Variants in MYRFL observed in about 807,000 individuals in gnomAD.
MYRFL encodes the protein myelin regulatory factor-like protein.
A neutral mutation model predicts 109.4 loss-of-function variants in MYRFL; 88 were observed. The observed-to-expected ratio is 0.80, with a 90% CI of 0.68 to 0.96. The LOEUF (loss-of-function observed/expected upper bound fraction) is 0.96. Among genes scored for constraint, MYRFL ranks in the 40% least tolerant of loss-of-function variants. MYRFL has a pLI of 0.00. For synonymous variants in MYRFL, 324 were observed against 320.9 expected, an observed-to-expected ratio of 1.01 and a Z score of -0.10; for missense variants, 957 against 954.9, an observed-to-expected ratio of 1.00 and a Z score of -0.03.
At chr12:69,871,220 T>C (rs1470940115) in intron 2 of MYRFL, among the ~76,000 whole-genome samples, 2 of 148,658 alleles carry the variant, frequency 1.3e-5, no homozygotes, top group African/African-American at 5.1e-5. Context: ...TCCAACTCTT[T>C]TTGGATATTT....
intron 13 of MYRFL, among the ~76,000 whole-genome samples, chr12:69,915,919 T>C (rs1296685854): frequency 6.6e-6 from 1 of 152,100 alleles, no homozygotes; most frequent in East Asian, 1.9e-4. Context: ...AAGAAAAACA[T>C]ACCCAGTAAA....
intron 11 of MYRFL, among the ~76,000 whole-genome samples, chr12:69,907,654 A>G (rs187022156): frequency 6.6e-6 from 1 of 152,254 alleles, no homozygotes; most frequent in Non-Finnish European, 1.5e-5. Flanking sequence ...TGCCATTTTA[A>G]TACCTTCGTT....
At chr12:69,948,182 C>A (rs1019499972) in intron 19 of MYRFL, among the ~76,000 whole-genome samples, 1 of 152,140 alleles carries the variant, frequency 6.6e-6, no homozygotes, top group Non-Finnish European at 1.5e-5. Context: ...TTCTTATAAC[C>A]AGCCTTTCAG....
At chr12:69,843,280 A>G (rs1003390929) in intron 1 of MYRFL, among the ~76,000 whole-genome samples, 3 of 152,200 alleles carry the variant, frequency 2.0e-5, no homozygotes, top group African/African-American at 7.2e-5. Context: ...GAGGGAAACT[A>G]TGTTTAAATC....
chr12:69,868,869 C>T (rs1354784964), intron 2 of MYRFL, among the ~76,000 whole-genome samples: 5 of 152,028 alleles, frequency 3.3e-5, no homozygotes, highest in Middle Eastern at 3.2e-3. Context: ...TGCACACACA[C>T]GCGCACACAC....
At chr12:69,826,272 C>T (rs1470280641) in intron 1 of MYRFL, among the ~76,000 whole-genome samples, 2 of 152,044 alleles carry the variant, frequency 1.3e-5, no homozygotes, top group African/African-American at 4.8e-5. Context: ...AGAATTATCA[C>T]ATTATCTTGT....
intron 19 of MYRFL, among the ~76,000 whole-genome samples, chr12:69,945,336 C>G (rs1000861841): frequency 6.6e-6 from 1 of 152,176 alleles, no homozygotes; most frequent in Non-Finnish European, 1.5e-5. Flanking sequence ...GGTAAATTCC[C>G]TACACAGGTG....
chr12:69,928,128 C>T (rs1204332773), intron 15 of MYRFL, among the ~76,000 whole-genome samples: 1 of 152,164 alleles, frequency 6.6e-6, no homozygotes, highest in Non-Finnish European at 1.5e-5. Flanking sequence ...AGTTAATCCT[C>T]AAATCCCTCT....
chr12:69,936,585 T>C lies in MYRFL; in HGVS notation c.2177T>C (p.Val726Ala). The change falls in exon 19 of 25, where the codon GTG (valine) becomes GCG (alanine). Residue 726 changes from valine to alanine, a missense_variant. By Grantham distance (64) the Val-to-Ala change is moderately conservative (BLOSUM62 0). Transcript: ENST00000552032. ...ATGAAAGAAGTCTCTTCAAGTCCTG[T>C]GCAAAGACAATCTGAGGAGAAGGAA... Reference protein sequence around the residue: ...RGMKEVSSSPVQRQSEEKEFH... With the variant: ...RGMKEVSSSPAQRQSEEKEFH... The C allele has an allele frequency of 6.5e-7, 1 of 1,535,320 alleles. No individual in the cohort carries two copies. The highest frequency in any genetic ancestry group is 8.7e-7 in the Non-Finnish European group (1 of 1,146,326).
intron 6 of MYRFL, among the ~76,000 whole-genome samples, chr12:69,888,946 C>G (rs1477506285): frequency 1.3e-5 from 2 of 152,122 alleles, no homozygotes; most frequent in Non-Finnish European, 1.5e-5. Flanking sequence ...CTGGTAGGCA[C>G]TGTGATTGTG....
chr12:69,927,069 C>T (rs1379085903), intron 14 of MYRFL, among the ~76,000 whole-genome samples: 2 of 150,650 alleles, frequency 1.3e-5, no homozygotes, highest in East Asian at 2.0e-4. Flanking sequence ...CTCAACCTCC[C>T]GAGTAGCTGG....
intron 1 of MYRFL, among the ~76,000 whole-genome samples, chr12:69,841,363 C>T (rs1219378934): frequency 6.6e-6 from 1 of 152,212 alleles, no homozygotes; most frequent in African/African-American, 2.4e-5. Context: ...CTCCCAAATA[C>T]TAGCCACATA....
At chr12:69,863,742 GTCT>G (rs1884841219) in intron 2 of MYRFL, among the ~76,000 whole-genome samples, 2 of 152,122 alleles carry the variant, frequency 1.3e-5, no homozygotes, top group African/African-American at 2.4e-5. Flanking sequence ...ATTTTTGTTG[GTCT>G]TCTTCATTTG....
rs1334713065 is a variant in MYRFL at position 69,914,251 on chromosome 12, G to A, written c.1602+3321G>A. On this transcript the variant is annotated intron_variant, in intron 13 of 24. Transcript: ENST00000552032. ...TAGGGCCTGTTTTATTATTTCTAGG[G>A]CCTATTTAGAGGTCCTTTTTTTGAA... 2.0e-5 allele frequency among the ~76,000 whole-genome samples: 3 copies of A among 151,892 alleles called. No homozygotes were observed. In the East Asian group the frequency reaches 5.8e-4, roughly 29 times the overall value.
At chr12:69,943,999 A>C (rs868400177) in intron 19 of MYRFL, among the ~76,000 whole-genome samples, 1 of 148,358 alleles carries the variant, frequency 6.7e-6, no homozygotes, top group Admixed American at 6.7e-5. Context: ...ATCTCACACC[A>C]GTTAGAATGG....
intron 1 of MYRFL, among the ~76,000 whole-genome samples, chr12:69,835,090 C>T (rs905163261): frequency 2.6e-5 from 4 of 152,130 alleles, no homozygotes; most frequent in African/African-American, 9.7e-5. Context: ...AAGGAGATAA[C>T]TTTTTTCAGT....
At chr12:69,863,651 T>A (rs1884835352) in intron 2 of MYRFL, among the ~76,000 whole-genome samples, 2 of 152,208 alleles carry the variant, frequency 1.3e-5, no homozygotes, top group South Asian at 4.1e-4. Flanking sequence ...AATGCTATAA[T>A]CTTTGGTTTC....
chr12:69,897,132 A>C, intron 9 of MYRFL, 24 bp from the exon 10 acceptor site: 1 of 1,485,696 alleles, frequency 6.7e-7, no homozygotes, highest in East Asian at 2.5e-5. Context: ...ATGCATTGGC[A>C]TTGGTCTGCT....
intron 19 of MYRFL, among the ~76,000 whole-genome samples, chr12:69,943,804 C>T (rs896057080): frequency 2.0e-5 from 3 of 151,262 alleles, no homozygotes; most frequent in Non-Finnish European, 4.4e-5. Flanking sequence ...GGCTAATATC[C>T]AGAATCTACA....
Sources: allele counts gnomAD v4.1 joint callset (sites outside exome capture counted in the v4.1 genomes callset), GRCh38; gene constraint gnomAD v4.1.1; transcripts MANE v1.5; gene names NCBI Gene and HGNC (gene_info 2026-07-23, HGNC 2026-07-21).